Variants in CHD7 observed in about 807,000 individuals in gnomAD.
CHD7 encodes the protein ATP-dependent chromatin remodeler CHD7.
Under a neutral mutation model 307.3 loss-of-function variants are expected in CHD7, and 24 were observed. The ratio of observed to expected loss-of-function variants is 0.08; its 90% CI spans 0.06 to 0.11. The LOEUF (loss-of-function observed/expected upper bound fraction) is 0.11. Ranked by LOEUF, CHD7 falls within the 10% of genes least tolerant of loss-of-function variation. The pLI, the probability that CHD7 is intolerant of heterozygous loss-of-function variation, is 1.00. For missense variants in CHD7, 3,106 were observed against 3,727.1 expected, an observed-to-expected ratio of 0.83 and a Z score of 4.34; for synonymous variants, 1,363 against 1,349.9, an observed-to-expected ratio of 1.01 and a Z score of -0.21.
intron 2 of CHD7, among the ~76,000 whole-genome samples, chr8:60,747,848 G>A (rs74752268): frequency 0.053 from 8,071 of 152,262 alleles, 311 homozygotes; most frequent in Non-Finnish European, 0.074. Context: ...TGAAGTGAGG[G>A]ATCATATGCC....
intron 2 of CHD7, among the ~76,000 whole-genome samples, chr8:60,761,824 A>G (rs1810223002): frequency 6.6e-6 from 1 of 152,170 alleles, no homozygotes; most frequent in Admixed American, 6.5e-5. Flanking sequence ...AAATTTTCTT[A>G]AAATTTAGAT....
intron 8 of CHD7, among the ~76,000 whole-genome samples, chr8:60,816,951 C>T (rs751240290): frequency 2.6e-5 from 4 of 152,160 alleles, no homozygotes; most frequent in Non-Finnish European, 5.9e-5. Flanking sequence ...AACTCATTTT[C>T]GCAAATGCTG....
At chr8:60,685,485 T>A (rs942215083) in intron 1 of CHD7, among the ~76,000 whole-genome samples, 1 of 152,192 alleles carries the variant, frequency 6.6e-6, no homozygotes, top group African/African-American at 2.4e-5. Context: ...GCTAGTCACA[T>A]ATTAGGGCAA....
Position 60,781,219 on chromosome 8 carries a change from C to G in CHD7, c.1885C>G (p.Leu629Val). The G allele has an allele frequency of 6.3e-7, 1 of 1,592,806 alleles. No homozygotes were observed. ...DFPGGVDNQE[L>V]NRNSLDGSQE... ...CCCTGGTGGGGTAGATAACCAAGAA[C>G]TAAATAGGAACTCACTGGATGGGTC... is the stretch of plus-strand genomic sequence containing the variant. Residue 629 changes from leucine (L) to valine (V), a missense_variant, in exon 3 of 38, where the codon CTA becomes GTA. By Grantham distance (32) the Leu-to-Val change is conservative. Transcript: ENST00000423902.
In CHD7 at chr8:60,850,902, G is replaced by A. The variant is rs1323470703; in HGVS notation, c.5535-130G>A. On this transcript the variant is annotated intron_variant, in intron 26 of 37. Transcript: ENST00000423902. ...TGGCTGCATGTTTTAAATACTGATAGAGTTGCTTTTGATGTCAAACCCATA... is the reference window on the plus strand; with the variant it reads ...TGGCTGCATGTTTTAAATACTGATAAAGTTGCTTTTGATGTCAAACCCATA... 6 of 714,682 alleles carry A rather than the reference G, an allele frequency of 8.4e-6. No homozygotes were observed. In the East Asian group the frequency reaches 1.6e-4, roughly 19 times the overall value. The allele number at this position is 714,682 out of a possible 1,614,324, so 44.3% of individuals were successfully genotyped here. A position where few individuals can be genotyped will look rare whatever the true frequency, so the allele number is the denominator to read the frequency against.
At chr8:60,728,753 AT>A (rs978423677) in intron 1 of CHD7, among the ~76,000 whole-genome samples, 2 of 152,298 alleles carry the variant, frequency 1.3e-5, no homozygotes, top group African/African-American at 4.8e-5. Context: ...ACAGGATATC[AT>A]TTTTTCAAAG....
chr8:60,783,857 A>G (rs1372692315), intron 3 of CHD7, among the ~76,000 whole-genome samples: 6 of 152,162 alleles, frequency 3.9e-5, no homozygotes, highest in Non-Finnish European at 5.9e-5. Flanking sequence ...CTGATTTACA[A>G]TGAAGGGTGG....
rs534598385 is a variant in CHD7, at chr8:60,804,344, T to G, written c.2442+2751T>G. Among the ~76,000 whole-genome samples, 25 of 152,340 alleles carry G rather than the reference T, an allele frequency of 1.6e-4. No homozygotes were observed. In the South Asian group the frequency reaches 5.2e-3, roughly 32 times the overall value. ...CTTTGGAGGATAATTCAAATCCTTT[T>G]TTTTTTGTATCAGAAGGCCAAAAGT... On this transcript the variant is annotated intron_variant, in intron 6 of 37. Transcript: ENST00000423902.
At chr8:60,864,971 C>T (rs1586466843) in intron 37 of CHD7, 45 bp from the exon 38 acceptor site, 15 of 1,527,188 alleles carry the variant, frequency 9.8e-6, no homozygotes, top group Non-Finnish European at 1.3e-5. Flanking sequence ...ATCAAGTTGT[C>T]TTCGACAGCC....
rs1184142614 is a variant in CHD7 at position 60,801,609 on chromosome 8, G to A, written c.2442+16G>A. Reference sequence around the variant, plus strand: ...AAAAAAGCAGGTGAGTGCCATTGGAGCCATTAAAATCTGTGAGGTGTATGT... The same window carrying A: ...AAAAAAGCAGGTGAGTGCCATTGGAACCATTAAAATCTGTGAGGTGTATGT... On this transcript the variant is annotated intron_variant, in intron 6 of 37. Transcript: ENST00000423902. 7.1e-6 allele frequency: 11 copies of A among 1,549,400 alleles called. No individual in the cohort carries two copies. The Admixed American group carries it at 7.6e-5, about 11-fold the overall frequency.
chr8:60,846,003 T>C (rs560654292), intron 23 of CHD7, among the ~76,000 whole-genome samples: 1 of 152,366 alleles, frequency 6.6e-6, no homozygotes, highest in African/African-American at 2.4e-5. Flanking sequence ...CTCTTAATAT[T>C]TTCAAGGTTC....
chr8:60,708,276 A>G (rs991282345), intron 1 of CHD7, among the ~76,000 whole-genome samples: 1 of 152,216 alleles, frequency 6.6e-6, no homozygotes, highest in Non-Finnish European at 1.5e-5. Context: ...CCATTCTGCA[A>G]GTCACCCAGG....
intron 1 of CHD7, among the ~76,000 whole-genome samples, chr8:60,713,683 T>A (rs1586200161): frequency 6.6e-6 from 1 of 151,930 alleles, no homozygotes; most frequent in African/African-American, 2.4e-5. Context: ...TTGGAGGAGG[T>A]GGTGGGCGTT....
chr8:60,812,438 G>T (rs1207104071), intron 7 of CHD7, among the ~76,000 whole-genome samples: 4 of 152,134 alleles, frequency 2.6e-5, no homozygotes, highest in Non-Finnish European at 2.9e-5. Context: ...GCTGAGGCAG[G>T]CTGATCACGA....
intron 1 of CHD7, among the ~76,000 whole-genome samples, chr8:60,735,959 A>G (rs1808682099): frequency 6.6e-6 from 1 of 152,218 alleles, no homozygotes. Context: ...TTAAATAACA[A>G]CATGTGGCTG....
chr8:60,704,294 C>T (rs1327314601), intron 1 of CHD7, among the ~76,000 whole-genome samples: 1 of 151,920 alleles, frequency 6.6e-6, no homozygotes, highest in African/African-American at 2.4e-5. Context: ...TACCATGTGC[C>T]CAAGGCTGGT....
intron 2 of CHD7, among the ~76,000 whole-genome samples, chr8:60,761,745 GTGAA>G (rs1382767737): frequency 6.6e-6 from 1 of 152,050 alleles, no homozygotes; most frequent in Non-Finnish European, 1.5e-5. Flanking sequence ...AAATGGCTAA[GTGAA>G]TGTTTTTTGG....
Position 60,865,379 on chromosome 8 carries a change from G to A in CHD7, c.8440G>A (p.Gly2814Arg), listed in dbSNP as rs964405365. The change falls in exon 38 of 38, where the codon GGG becomes AGG. Residue 2814 changes from glycine to arginine, a missense_variant. Physicochemically the swap from Gly to Arg is moderately radical, Grantham distance 125. Transcript: ENST00000423902. This position sits in a 1 kb window ranked among gnomAD's most constrained non-coding sequence, Gnocchi z 4.3. Reference protein sequence around the residue: ...AGLPNVFGLGGLLNNPLSAAT... With the variant: ...AGLPNVFGLGRLLNNPLSAAT... ...CCTGCCCAACGTGTTTGGCTTGGGC[G>A]GGCTGTTGAATAACCCTCTGTCAGC... 6.2e-6 allele frequency: 10 copies of A among 1,612,660 alleles called. No homozygotes were observed. The highest frequency in any genetic ancestry group is 3.3e-5 in the South Asian group (3 of 90,894).
intron 11 of CHD7, 95 bp from the exon 12 acceptor site, chr8:60,822,408 G>A: frequency 1.7e-6 from 2 of 1,172,038 alleles, no homozygotes; most frequent in South Asian, 1.7e-5. Context: ...CTTTGGGTAT[G>A]CATTTGTGGG....
Sources: allele counts gnomAD v4.1 joint callset (sites outside exome capture counted in the v4.1 genomes callset), GRCh38; gene constraint gnomAD v4.1.1; non-coding constraint Gnocchi (gnomAD v3.1); transcripts MANE v1.5; gene names NCBI Gene and HGNC (gene_info 2026-07-23, HGNC 2026-07-21).